Variants in CDH13 observed in about 807,000 individuals in gnomAD.
CDH13 encodes cadherin 13.
In CDH13, 24 loss-of-function variants were observed where a neutral mutation model predicts 63.8. The observed-to-expected ratio is 0.38, with a 90% CI of 0.27 to 0.53. The LOEUF (loss-of-function observed/expected upper bound fraction) is 0.53, where lower values mean the gene tolerates loss of function less well. Ranked by LOEUF, CDH13 falls within the 20% of genes least tolerant of loss-of-function variation. The pLI is 0.85. For synonymous variants in CDH13, 503 were observed against 355.3 expected (o/e 1.42, Z -4.67); for missense variants, 1,049 against 903.1 (o/e 1.16, Z -2.07).
intron 7 of CDH13, among the ~76,000 whole-genome samples, chr16:83,597,579 T>C (rs1011778289): frequency 1.3e-5 from 2 of 152,216 alleles, no homozygotes; most frequent in African/African-American, 4.8e-5. Context: ...GAAATGACTG[T>C]TTTATTTTTA....
intron 2 of CDH13, among the ~76,000 whole-genome samples, chr16:82,908,621 A>G (rs2041725101): frequency 6.6e-6 from 1 of 152,226 alleles, no homozygotes; most frequent in East Asian, 1.9e-4. Flanking sequence ...TTCTTCCCTT[A>G]GAGGCAACCA....
intron 7 of CDH13, among the ~76,000 whole-genome samples, chr16:83,578,052 C>G (rs1905213178): frequency 6.6e-6 from 1 of 152,194 alleles, no homozygotes; most frequent in African/African-American, 2.4e-5. Flanking sequence ...TATTCCCCTA[C>G]TAAGCATTTA....
At chr16:83,440,345 T>A (rs2151494145) in intron 6 of CDH13, among the ~76,000 whole-genome samples, 1 of 152,284 alleles carries the variant, frequency 6.6e-6, no homozygotes, top group East Asian at 1.9e-4. Context: ...CCCAAATATT[T>A]AGTTAGTGCA....
chr16:83,220,109 G>A (rs2039652229), intron 5 of CDH13, among the ~76,000 whole-genome samples: 1 of 152,152 alleles, frequency 6.6e-6, no homozygotes, highest in African/African-American at 2.4e-5. Context: ...GGCTCATGAG[G>A]GCCTACTTTC....
intron 6 of CDH13, among the ~76,000 whole-genome samples, chr16:83,346,803 AT>A (rs1265426931): frequency 2.0e-5 from 3 of 152,036 alleles, no homozygotes; most frequent in Non-Finnish European, 1.5e-5. Context: ...TTTTTTGTGT[AT>A]TTTTTAGATA....
At chr16:82,856,495 A>G (rs1269575959) in intron 1 of CDH13, among the ~76,000 whole-genome samples, 1 of 151,518 alleles carries the variant, frequency 6.6e-6, no homozygotes, top group Non-Finnish European at 1.5e-5. Flanking sequence ...TAAGCTCAGG[A>G]GTTTGAGAGC....
chr16:82,944,589 C>T lies in CDH13; in HGVS notation c.157+86116C>T, dbSNP rs1434886392. Among the ~76,000 whole-genome samples the T allele has an allele frequency of 2.6e-5, 4 of 152,000 alleles. No homozygotes were observed. In the East Asian group the frequency reaches 7.7e-4, roughly 29 times the overall value. ...ATGACTAGCATCTAGTGGGTGAAGGCCAGGGGTGGTGTTAACATCCTACAA... is the reference window on the plus strand; with the variant it reads ...ATGACTAGCATCTAGTGGGTGAAGGTCAGGGGTGGTGTTAACATCCTACAA... On this transcript the variant is annotated intron_variant, in intron 2 of 13. Coordinates refer to ENST00000567109, the MANE Select transcript of CDH13 (RefSeq NM_001257.5).
At chr16:83,497,111 C>G (rs2074163945) in intron 7 of CDH13, among the ~76,000 whole-genome samples, 1 of 152,154 alleles carries the variant, frequency 6.6e-6, no homozygotes, top group Non-Finnish European at 1.5e-5. Context: ...GGCGTTTCCT[C>G]AGGGATCTAG....
chr16:82,657,891 T>C (rs1467125638), intron 1 of CDH13, among the ~76,000 whole-genome samples: 1 of 152,240 alleles, frequency 6.6e-6, no homozygotes, highest in Non-Finnish European at 1.5e-5. Flanking sequence ...TACTTTCCAA[T>C]CACTATACCT....
intron 3 of CDH13, among the ~76,000 whole-genome samples, chr16:83,102,440 GC>G (rs2034526133): frequency 6.6e-6 from 1 of 152,216 alleles, no homozygotes; most frequent in African/African-American, 2.4e-5. Flanking sequence ...GCTCCAGGAT[GC>G]CAGTGTGCCT....
intron 6 of CDH13, among the ~76,000 whole-genome samples, chr16:83,470,277 G>A (rs1366052598): frequency 6.6e-6 from 1 of 151,952 alleles, no homozygotes; most frequent in East Asian, 1.9e-4. Context: ...GGCTAGTCTC[G>A]AACTCCTGAG....
intron 7 of CDH13, among the ~76,000 whole-genome samples, chr16:83,536,061 GACA>G (rs1480683589): frequency 6.6e-6 from 1 of 152,122 alleles, no homozygotes; most frequent in Non-Finnish European, 1.5e-5. Context: ...ATTCACCCAG[GACA>G]ACATTTGCAT....
At chr16:83,277,218 T>C (rs972128697) in intron 5 of CDH13, among the ~76,000 whole-genome samples, 1 of 152,214 alleles carries the variant, frequency 6.6e-6, no homozygotes, top group African/African-American at 2.4e-5. Flanking sequence ...AGAGGTTTTC[T>C]CACTCATGGT....
intron 4 of CDH13, among the ~76,000 whole-genome samples, chr16:83,178,850 CT>C (rs2038233323): frequency 6.6e-6 from 1 of 152,082 alleles, no homozygotes; most frequent in African/African-American, 2.4e-5. Context: ...ATAGCCTGGC[CT>C]TGAATCCTCC....
intron 10 of CDH13, among the ~76,000 whole-genome samples, chr16:83,720,417 A>G (rs1374155607): frequency 6.6e-6 from 1 of 152,110 alleles, no homozygotes; most frequent in Non-Finnish European, 1.5e-5. Context: ...TTTATTGAGC[A>G]CCTACTGCAT....
At chr16:83,186,908 T>C (rs2038542988) in intron 4 of CDH13, among the ~76,000 whole-genome samples, 1 of 152,204 alleles carries the variant, frequency 6.6e-6, no homozygotes, top group Non-Finnish European at 1.5e-5. Context: ...GAAGGGCAGA[T>C]GGGAGACGGA....
At chr16:82,899,985 A>T (rs546635558) in intron 2 of CDH13, among the ~76,000 whole-genome samples, 2 of 152,278 alleles carry the variant, frequency 1.3e-5, no homozygotes, top group African/African-American at 4.8e-5. Flanking sequence ...ATCTACACGT[A>T]TGGGCAGTGA....
At chr16:83,199,694 T>C (rs1057284397) in intron 4 of CDH13, among the ~76,000 whole-genome samples, 3 of 152,148 alleles carry the variant, frequency 2.0e-5, no homozygotes, top group Admixed American at 2.0e-4. Context: ...TACTCATGAG[T>C]GTCGTTAACA....
chr16:83,059,761 C>G (rs184978303), intron 3 of CDH13, among the ~76,000 whole-genome samples: 81 of 151,094 alleles, frequency 5.4e-4, no homozygotes, highest in Non-Finnish European at 8.3e-4. Flanking sequence ...CTTTCTTAAT[C>G]CAGACTTTTG....
Sources: allele counts gnomAD v4.1 joint callset (sites outside exome capture counted in the v4.1 genomes callset), GRCh38; gene constraint gnomAD v4.1.1; transcripts MANE v1.5; gene names NCBI Gene and HGNC (gene_info 2026-07-23, HGNC 2026-07-21).